STN1: variants seen among roughly 807,000 people sequenced by gnomAD.
STN1 encodes STN1 subunit of CST complex, also known as CST complex subunit STN1.
STN1 carries 29 observed loss-of-function variants against 45.5 expected under a neutral mutation model. The ratio of observed to expected loss-of-function variants is 0.64; its 90% CI spans 0.47 to 0.87. STN1 has a LOEUF of 0.87. Ranked by LOEUF, STN1 falls within the 40% of genes least tolerant of loss-of-function variation. The probability of loss-of-function intolerance (pLI) is 0.00; values close to 1 mark genes in which losing one functional copy is unlikely to be tolerated. For synonymous variants in STN1, 148 were observed against 159.0 expected, an observed-to-expected ratio of 0.93 and a Z score of 0.52; for missense variants, 376 against 441.4, an observed-to-expected ratio of 0.85 and a Z score of 1.33.
chr10:103,900,409 T>C (rs1370195483), intron 4 of STN1, among the ~76,000 whole-genome samples, 186 bp from the exon 5 acceptor site: 1 of 152,166 alleles, frequency 6.6e-6, no homozygotes, highest in African/African-American at 2.4e-5. Context: ...AGGTATAAAC[T>C]GTAATTATTC....
chr10:103,884,766 G>T (rs1843092678), intron 9 of STN1, among the ~76,000 whole-genome samples: 1 of 152,216 alleles, frequency 6.6e-6, no homozygotes, highest in Non-Finnish European at 1.5e-5. Context: ...AGGCCTGAGT[G>T]TTCTCAGCTG....
intron 7 of STN1, among the ~76,000 whole-genome samples, chr10:103,893,719 C>T (rs1199559197): frequency 6.6e-6 from 1 of 152,140 alleles, no homozygotes; most frequent in Non-Finnish European, 1.5e-5. Flanking sequence ...AAGTCCGTCC[C>T]AAAGTAACCT....
chr10:103,915,592 TC>T (rs1843325712), intron 2 of STN1, among the ~76,000 whole-genome samples: 1 of 152,260 alleles, frequency 6.6e-6, no homozygotes, highest in African/African-American at 2.4e-5. Flanking sequence ...TTGGGGTTTG[TC>T]TTTGTTATTT....
intron 9 of STN1, 70 bp from the exon 10 acceptor site, chr10:103,882,911 G>A: frequency 6.8e-7 from 1 of 1,460,258 alleles, no homozygotes; most frequent in Non-Finnish European, 9.3e-7. Context: ...CTCCATACCT[G>A]ACTTGGCATC....
At chr10:103,884,009 G>A (rs1479309780) in intron 9 of STN1, among the ~76,000 whole-genome samples, 5 of 133,286 alleles carry the variant, frequency 3.8e-5, no homozygotes, top group Non-Finnish European at 6.1e-5. Flanking sequence ...AGAATCACTT[G>A]AACCCAGGAA....
Position 103,905,126 on chromosome 10 carries a change from A to G in STN1, c.260T>C (p.Ile87Thr), listed in dbSNP as rs773498260. Residue 87 changes from isoleucine to threonine, a missense_variant, in exon 4 of 10, where the codon ATC becomes ACC. By Grantham distance (89) the Ile-to-Thr change is moderately conservative. Transcript: ENST00000224950. Reference protein sequence around the residue: ...VDDSTGVINCICWKKLNTESV... With the variant: ...VDDSTGVINCTCWKKLNTESV... ...CTCAGTATTCAACTTTTTCCAGCAG[A>G]TGCAGTTTATAACTCCAGTGCTGTC... The G allele has an allele frequency of 8.1e-6, 13 of 1,614,156 alleles. No homozygotes were observed. In the South Asian group the frequency reaches 1.4e-4, roughly 18 times the overall value.
intron 2 of STN1, among the ~76,000 whole-genome samples, chr10:103,915,842 T>G (rs1775908648): frequency 6.6e-6 from 1 of 152,052 alleles, no homozygotes; most frequent in African/African-American, 2.4e-5. Context: ...GGGATGAAAC[T>G]GTTCCACCTC....
intron 3 of STN1, 87 bp downstream of exon 3, chr10:103,910,439 TA>T: frequency 1.2e-6 from 1 of 841,126 alleles, no homozygotes; most frequent in Non-Finnish European, 2.0e-6. Flanking sequence ...CCAGCTACTC[TA>T]AATGGCTGGG....
chr10:103,882,905 A>G, intron 9 of STN1, 64 bp from the exon 10 acceptor site: 1 of 1,493,416 alleles, frequency 6.7e-7, no homozygotes, highest in Non-Finnish European at 9.0e-7. Context: ...TGTCCTCTCC[A>G]TACCTGACTT....
chr10:103,914,355 TATATA>T (rs1564636096), intron 2 of STN1, among the ~76,000 whole-genome samples: 5 of 33,168 alleles, frequency 1.5e-4, no homozygotes, highest in Admixed American at 4.3e-4. Context: ...TATATATATA[TATATA>T]TATATATATA....
At chr10:103,887,707 C>A (rs1843112918) in intron 9 of STN1, among the ~76,000 whole-genome samples, 1 of 152,166 alleles carries the variant, frequency 6.6e-6, no homozygotes, top group Non-Finnish European at 1.5e-5. Flanking sequence ...GACTGAGTGG[C>A]AGGGCCTGTC....
chr10:103,909,518 GTA>G (rs146368412), intron 3 of STN1, among the ~76,000 whole-genome samples: 30,413 of 56,494 alleles, frequency 0.54, 8,859 homozygotes, highest in Non-Finnish European at 0.67. Context: ...ATGTATATAT[GTA>G]TATATATGTA....
intron 2 of STN1, among the ~76,000 whole-genome samples, chr10:103,913,087 G>A (rs1048797326): frequency 5.3e-5 from 8 of 152,236 alleles, no homozygotes; most frequent in African/African-American, 1.2e-4. Flanking sequence ...TACCACTGTC[G>A]TGGTTTTAAT....
In STN1 at chr10:103,905,170, G is replaced by A. The variant is rs760011317; in HGVS notation, c.230-14C>T. 4 of 1,612,702 alleles carry A rather than the reference G, an allele frequency of 2.5e-6. No homozygotes were observed. In the East Asian group the frequency reaches 6.7e-5, roughly 27 times the overall value. On this transcript the variant is annotated splice_polypyrimidine_tract_variant and intron_variant, in intron 3 of 9. Coordinates refer to ENST00000224950, the MANE Select transcript of STN1 (RefSeq NM_024928.5). ...TGCTGTCATCCACTGCAAGAGAAAA[G>A]CAAAAGGGTATAAGAGAGATTTGGG...
chr10:103,889,105 G>A lies in STN1; in HGVS notation c.916C>T (p.Arg306Trp), dbSNP rs753557631. The change falls in exon 9 of 10, where the codon CGG becomes TGG. Residue 306 changes from arginine to tryptophan, a missense_variant. Physicochemically the swap from Arg to Trp is moderately radical, Grantham distance 101 (BLOSUM62 -3). Coordinates refer to ENST00000224950, the MANE Select transcript of STN1 (RefSeq NM_024928.5). ...TTCTGGCAGTCCTGCTGAATGATCC[G>A]GTGGATCTTTCTGTGCAGGTCTTTG... Reference protein sequence around the residue: ...EDKDLHRKIHRIIQQDCQKPN... With the variant: ...EDKDLHRKIHWIIQQDCQKPN... 56 of 1,613,398 alleles carry A rather than the reference G, an allele frequency of 3.5e-5. No homozygotes were observed. The Middle Eastern group carries it at 6.6e-4, about 19-fold the overall frequency.
rs1843266407 is a variant in STN1 at position 103,909,372 on chromosome 10, A to ATATATGTATATATATGTATATATG, written c.229+1154_229+1155insCATATATACATATATATACATATA. On this transcript the variant is annotated intron_variant, in intron 3 of 9. Coordinates refer to ENST00000224950, the MANE Select transcript of STN1 (RefSeq NM_024928.5). ...TCAGAATCAAAAAAAAAAAATATATATATATATGTATATATATGTATATAT... is the reference window on the plus strand; with the variant it reads ...TCAGAATCAAAAAAAAAAAATATATATATATGTATATATATGTATATATGTATATATGTATATATATGTATATAT... Among the ~76,000 whole-genome samples, 9 of 89,138 alleles carry ATATATGTATATATATGTATATATG rather than the reference A, an allele frequency of 1.0e-4. 2 individuals carry two copies. Among genetic ancestry groups the ATATATGTATATATATGTATATATG allele is most frequent in the African/African-American group, 3.2e-4 (8 of 24,818 alleles). The allele number at this position is 89,138 out of a possible 152,430, so 58.5% of individuals were successfully genotyped here. A position where few individuals can be genotyped will look rare whatever the true frequency, so the allele number is the denominator to read the frequency against.
rs1843062627 is a variant in STN1, at chr10:103,880,670, T to C, written c.*2014A>G. ...GAAGAGGCCCATTCTGGGTTTAAAC[T>C]GAGGTGTTAGACAGCATGTAGATGG... On this transcript the variant is annotated 3_prime_UTR_variant, in exon 10 of 10. Transcript: ENST00000224950. 6.6e-6 allele frequency among the ~76,000 whole-genome samples: 1 copy of C among 152,196 alleles called. No individual in the cohort carries two copies. Among genetic ancestry groups the C allele is most frequent in the Non-Finnish European group, 1.5e-5 (1 of 68,034 alleles).
intron 9 of STN1, among the ~76,000 whole-genome samples, chr10:103,888,447 T>C (rs531546426): frequency 6.6e-6 from 1 of 152,352 alleles, no homozygotes; most frequent in African/African-American, 2.4e-5. Context: ...GAAATGGTAT[T>C]GTTCCTTGTC....
At position 103,878,609 on chromosome 10, in the gene STN1, G is replaced by A. The variant is rs916914011; in HGVS notation, c.*4075C>T. On this transcript the variant is annotated 3_prime_UTR_variant, in exon 10 of 10. Coordinates refer to ENST00000224950, the MANE Select transcript of STN1 (RefSeq NM_024928.5). ...GAGAATGTACTGACAGTGGAAGAGT[G>A]AGCACTTGCTAATTATAAAAATGCC... 1 of 152,204 alleles carries A rather than the reference G, an allele frequency of 6.6e-6. No individual in the cohort carries two copies. Among genetic ancestry groups the A allele is most frequent in the African/African-American group, 2.4e-5 (1 of 41,442 alleles). The allele number at this position is 152,204 out of a possible 1,614,324, so 9.4% of individuals were successfully genotyped here.
Sources: allele counts gnomAD v4.1 joint callset (sites outside exome capture counted in the v4.1 genomes callset), GRCh38; gene constraint gnomAD v4.1.1; transcripts MANE v1.5; gene names NCBI Gene and HGNC (gene_info 2026-07-23, HGNC 2026-07-21).